MYO10: variants seen among roughly 807,000 people sequenced by gnomAD.
MYO10 encodes unconventional myosin-X.
In MYO10, 133 loss-of-function variants were observed where a neutral mutation model predicts 257.3. The observed-to-expected ratio is 0.52, with a 90% confidence interval of 0.45 to 0.60. The LOEUF is 0.60. Among genes scored for constraint, MYO10 ranks in the 20% least tolerant of loss-of-function variants. The pLI, the probability that MYO10 is intolerant of heterozygous loss-of-function variation, is 0.00. For missense variants in MYO10, 2,399 were observed against 2,635.7 expected (o/e 0.91, Z 1.97); for synonymous variants, 1,104 against 1,028.6 (o/e 1.07, Z -1.40).
At chr5:16,805,566 T>A (rs1742252725) in intron 3 of MYO10, among the ~76,000 whole-genome samples, 1 of 152,118 alleles carries the variant, frequency 6.6e-6, no homozygotes, top group African/African-American at 2.4e-5. Flanking sequence ...AAAGATATTG[T>A]TACCGCTCCA....
intron 2 of MYO10, among the ~76,000 whole-genome samples, chr5:16,835,126 G>A (rs1355290670): frequency 2.0e-5 from 3 of 152,110 alleles, no homozygotes; most frequent in Non-Finnish European, 4.4e-5. Flanking sequence ...GCAGTAAGTC[G>A]AGATTGCGTC....
At chr5:16,935,385 G>A (rs1309949539) in intron 1 of MYO10, among the ~76,000 whole-genome samples, 1 of 152,172 alleles carries the variant, frequency 6.6e-6, no homozygotes. Flanking sequence ...GGAAATACCA[G>A]ACAAGACCTT....
chr5:16,696,394 C>T (rs866032045), intron 26 of MYO10, among the ~76,000 whole-genome samples: 1 of 152,124 alleles, frequency 6.6e-6, no homozygotes, highest in African/African-American at 2.4e-5. Flanking sequence ...AACTTTTTGG[C>T]TCTGCTTTAA....
intron 3 of MYO10, among the ~76,000 whole-genome samples, chr5:16,807,816 CCCT>C (rs1742323013): frequency 6.6e-6 from 1 of 152,104 alleles, no homozygotes; most frequent in Admixed American, 6.6e-5. Context: ...CCCTCTCATC[CCCT>C]CCTCATTGTG....
chr5:16,893,125 A>AG (rs1208860450), intron 1 of MYO10, among the ~76,000 whole-genome samples: 9 of 137,064 alleles, frequency 6.6e-5, no homozygotes, highest in Admixed American at 3.2e-4. Flanking sequence ...TGAACCTGGG[A>AG]GGCGGAGTTT....
Position 16,935,881 on chromosome 5 carries a change from G to A in MYO10, c.-73C>T, listed in dbSNP as rs1008840094. On this transcript the variant is annotated 5_prime_UTR_variant, in exon 1 of 41. Transcript: ENST00000513610. The stretch of plus-strand genomic sequence containing the variant: ...AAGTCAGCGCCGCCGCGGGTCCGGG[G>A]AAACCATGCGTGTCACGGCGCCACT... 49 of 1,579,846 alleles carry A rather than the reference G, an allele frequency of 3.1e-5. No homozygotes were observed. The highest frequency in any genetic ancestry group is 4.1e-5 in the Non-Finnish European group (48 of 1,160,884).
intron 1 of MYO10, among the ~76,000 whole-genome samples, chr5:16,902,798 A>T (rs941650572): frequency 6.6e-6 from 1 of 152,190 alleles, no homozygotes; most frequent in African/African-American, 2.4e-5. Flanking sequence ...CACCGTGCCC[A>T]GGGCCATCTT....
chr5:16,840,037 T>C (rs1446268977), intron 2 of MYO10, among the ~76,000 whole-genome samples: 1 of 152,140 alleles, frequency 6.6e-6, no homozygotes. Context: ...GGCTGACCTG[T>C]ATATGTGAGA....
chr5:16,813,258 G>A (rs961842491), intron 3 of MYO10, among the ~76,000 whole-genome samples: 2 of 152,176 alleles, frequency 1.3e-5, no homozygotes, highest in Non-Finnish European at 2.9e-5. Flanking sequence ...GGAGGCTCAT[G>A]CCTGTCATCC....
intron 2 of MYO10, among the ~76,000 whole-genome samples, chr5:16,875,720 C>T (rs772900709): frequency 5.3e-5 from 8 of 152,188 alleles, no homozygotes; most frequent in Non-Finnish European, 1.0e-4. Context: ...CCAAGTAGAC[C>T]GCCCCTGCTA....
rs529415220 is a variant in MYO10 at position 16,816,750 on chromosome 5, G to A, written c.279+1259C>T. ...TTCACCATGTTGGCCAGGATGGTCC[G>A]ATCTCTTGATCTCGTGATCCGCCCG... On this transcript the variant is annotated intron_variant, in intron 3 of 40. Coordinates refer to ENST00000513610, the MANE Select transcript of MYO10 (RefSeq NM_012334.3). Among the ~76,000 whole-genome samples the A allele has an allele frequency of 2.1e-4, 32 of 151,544 alleles. 1 individual carries two copies. In the South Asian group the frequency reaches 6.1e-3, roughly 29 times the overall value.
At chr5:16,792,712 T>C (rs1384111478) in intron 4 of MYO10, among the ~76,000 whole-genome samples, 1 of 152,298 alleles carries the variant, frequency 6.6e-6, no homozygotes, top group East Asian at 1.9e-4. Context: ...GCTATACCCA[T>C]GACCAGGTGG....
intron 21 of MYO10, among the ~76,000 whole-genome samples, chr5:16,708,422 T>C (rs879552626): frequency 1.4e-4 from 22 of 152,326 alleles, no homozygotes; most frequent in Non-Finnish European, 2.8e-4. Context: ...TTGGGCCTGA[T>C]TTCCATAATG....
intron 17 of MYO10, among the ~76,000 whole-genome samples, chr5:16,760,967 A>ATTG (rs1553993467): frequency 2.6e-5 from 4 of 151,016 alleles, no homozygotes; most frequent in Non-Finnish European, 5.9e-5. Context: ...TGCTTATATT[A>ATTG]TTATTATTAT....
chr5:16,693,806 C>T (rs1200031657), intron 27 of MYO10, among the ~76,000 whole-genome samples: 1 of 152,078 alleles, frequency 6.6e-6, no homozygotes, highest in East Asian at 1.9e-4. Context: ...ATAATAGGCC[C>T]TCAATAGTCC....
intron 40 of MYO10, among the ~76,000 whole-genome samples, chr5:16,667,926 G>A (rs1736250896): frequency 6.6e-6 from 1 of 152,166 alleles, no homozygotes; most frequent in Non-Finnish European, 1.5e-5. Context: ...TCACAGCTGT[G>A]ACACCGCTAT....
chr5:16,886,395 T>C (rs1200313528), intron 1 of MYO10, among the ~76,000 whole-genome samples: 2 of 152,180 alleles, frequency 1.3e-5, no homozygotes, highest in Non-Finnish European at 2.9e-5. Flanking sequence ...AGAACAACTG[T>C]CCCGTGCCCA....
intron 2 of MYO10, among the ~76,000 whole-genome samples, chr5:16,863,725 A>G (rs181783314): frequency 6.6e-6 from 1 of 152,286 alleles, no homozygotes; most frequent in African/African-American, 2.4e-5. Flanking sequence ...TTCCCTTGAA[A>G]AAGCCTCTCT....
At position 16,833,289 on chromosome 5, in the gene MYO10, C is replaced by T. The variant is rs997177910; in HGVS notation, c.121-15122G>A. Among the ~76,000 whole-genome samples the T allele has an allele frequency of 7.3e-5, 11 of 151,492 alleles. 1 individual carries two copies. Among genetic ancestry groups the T allele is most frequent in the South Asian group, 2.1e-4 (1 of 4,786 alleles). ...AGTGCAGTGGCATGATCTCGGCTCA[C>T]TGCAACCTCCGCCTCCCAGGCTCAA... On this transcript the variant is annotated intron_variant, in intron 2 of 40. Coordinates refer to ENST00000513610, the MANE Select transcript of MYO10 (RefSeq NM_012334.3).
Sources: gnomAD v4.1 joint callset for allele counts (sites outside exome capture counted in the v4.1 genomes callset) on GRCh38, gnomAD v4.1.1 for gene constraint, MANE v1.5 for transcripts, NCBI Gene and HGNC (gene_info 2026-07-23, HGNC 2026-07-21) for gene names.